The following SNX25 variants were observed in gnomAD, a reference collection of about 807,000 sequenced individuals.
The protein encoded by SNX25 is sorting nexin 25, also known as sorting nexin-25.
A neutral mutation model predicts 113.7 loss-of-function variants in SNX25; 62 were observed. That is an observed-to-expected ratio of 0.55 (90% CI 0.44 to 0.67). SNX25 has a LOEUF of 0.67. SNX25 is among the 30% of genes least tolerant of loss of function. The probability of loss-of-function intolerance (pLI) is 0.00; values close to 1 mark genes in which losing one functional copy is unlikely to be tolerated. For synonymous variants in SNX25, 421 were observed against 436.2 expected (o/e 0.97, Z 0.43); for missense variants, 1,014 against 1,161.0 (o/e 0.87, Z 1.84).
At chr4:185,370,522 G>A (rs1461092768), downstream of SNX25, 10 of 997,964 alleles carry the variant, frequency 1.0e-5, no homozygotes, top group Non-Finnish European at 7.3e-6. Context: ...TCTGTAGACA[G>A]AGGTTATCTG....
At chr4:185,365,932 C>T (rs1362762962), downstream of SNX25, 1 of 152,128 alleles carries the variant, frequency 6.6e-6, no homozygotes, top group Non-Finnish European at 1.5e-5. Flanking sequence ...GAACATAAAA[C>T]GAGAGCAAAT....
At chr4:185,375,506 A>ATATATATATG in the SNX25 span, 1 of 86,454 alleles carries the variant, frequency 1.2e-5, no homozygotes, top group Non-Finnish European at 2.0e-5. Context: ...ATATATATAT[A>ATATATATATG]TATATATATG....
intron 1 of SNX25, among the ~76,000 whole-genome samples, chr4:185,224,516 T>G (rs983936192): frequency 7.9e-6 from 1 of 126,022 alleles, no homozygotes; most frequent in Non-Finnish European, 1.7e-5. Flanking sequence ...TATAGATATA[T>G]AAATATATAT....
At chr4:185,237,210 T>A (rs527456388) in intron 1 of SNX25, among the ~76,000 whole-genome samples, 31 of 152,270 alleles carry the variant, frequency 2.0e-4, no homozygotes, top group African/African-American at 7.5e-4. Flanking sequence ...AATGATAACC[T>A]CTCAGTATCA....
chr4:185,351,540 G>T lies in SNX25; in HGVS notation c.2397G>T (p.Gly799=), dbSNP rs1561046304. 5 of 1,613,770 alleles carry T rather than the reference G, an allele frequency of 3.1e-6. No homozygotes were observed. The South Asian group carries it at 5.5e-5, about 18-fold the overall frequency. The part of the protein sequence containing the change: ...PDYLKVIDVQ[G]KKNSFSLSSF... ...ACCTCAAGGTTATCGACGTGCAGGG[G>T]AAAAAAAATTCTTTTTCATTATCCT... The change falls in exon 14 of 19, where the codon GGG becomes GGT. Residue 799 remains glycine (G), a synonymous_variant. Transcript: ENST00000652585.
At position 185,361,921 on chromosome 4, in the gene SNX25, A is replaced by G; in HGVS notation, c.2652-3A>G. The stretch of plus-strand genomic sequence containing the variant: ...CATCCAAGAAATCTTTTTCTCTTAA[A>G]AGACAAATCCGGGACACAGTCAGCT... On this transcript the variant is annotated splice_region_variant and splice_polypyrimidine_tract_variant and intron_variant, in intron 16 of 18. Coordinates refer to ENST00000652585, the MANE Select transcript of SNX25 (RefSeq NM_001378034.2). The G allele has an allele frequency of 6.2e-7, 1 of 1,612,498 alleles. No individual in the cohort carries two copies. Among genetic ancestry groups the G allele is most frequent in the Non-Finnish European group, 8.5e-7 (1 of 1,179,306 alleles).
At chr4:185,208,190 C>T (rs568555351), upstream of SNX25, among the ~76,000 whole-genome samples, 21 of 152,160 alleles carry the variant, frequency 1.4e-4, no homozygotes, top group African/African-American at 4.6e-4. Flanking sequence ...CTCACTGCGA[C>T]CTCCACCTCC....
chr4:185,355,035 G>A (rs1414493813), intron 15 of SNX25, among the ~76,000 whole-genome samples: 2 of 152,166 alleles, frequency 1.3e-5, no homozygotes, highest in African/African-American at 4.8e-5. Flanking sequence ...TAGGAAATGG[G>A]GCTGTGGATC....
chr4:185,292,392 A>C (rs1037564855), intron 6 of SNX25, among the ~76,000 whole-genome samples: 1 of 151,922 alleles, frequency 6.6e-6, no homozygotes, highest in Non-Finnish European at 1.5e-5. Context: ...ACAGGAGTTT[A>C]TTTGTTTGTT....
chr4:185,342,162 G>C, intron 12 of SNX25, 46 bp downstream of exon 12: 1 of 1,470,976 alleles, frequency 6.8e-7, no homozygotes, highest in Non-Finnish European at 9.0e-7. Flanking sequence ...CTGCACAAGA[G>C]CTCATTTCAA....
intron 5 of SNX25, among the ~76,000 whole-genome samples, chr4:185,272,226 G>T (rs1300364343): frequency 6.6e-6 from 1 of 152,216 alleles, no homozygotes; most frequent in Non-Finnish European, 1.5e-5. Flanking sequence ...CACAGTTGGT[G>T]TAGGTGGTGA....
At chr4:185,353,075 T>TA (rs149360384) in intron 14 of SNX25, 399 of 159,754 alleles carry the variant, frequency 2.5e-3, no homozygotes, top group African/African-American at 8.7e-3. Flanking sequence ...GTCACAGCTT[T>TA]AAAAATAACT....
At chr4:185,273,299 G>A (rs890719593) in intron 5 of SNX25, among the ~76,000 whole-genome samples, 1 of 152,162 alleles carries the variant, frequency 6.6e-6, no homozygotes, top group Non-Finnish European at 1.5e-5. Context: ...TAGAGACAGG[G>A]TCTCACTCTG....
At chr4:185,300,901 G>A (rs1235819928) in intron 6 of SNX25, among the ~76,000 whole-genome samples, 2 of 144,166 alleles carry the variant, frequency 1.4e-5, no homozygotes, top group Non-Finnish European at 3.0e-5. Context: ...TTCCTGGCTC[G>A]TAACTCACAT....
chr4:185,282,842 C>A (rs555139337), intron 5 of SNX25, among the ~76,000 whole-genome samples: 6 of 152,134 alleles, frequency 3.9e-5, no homozygotes, highest in Non-Finnish European at 5.9e-5. Context: ...ATTCTTGAAC[C>A]GAACTCAGCA....
At chr4:185,314,059 G>T (rs2126670905) in intron 7 of SNX25, among the ~76,000 whole-genome samples, 1 of 152,274 alleles carries the variant, frequency 6.6e-6, no homozygotes, top group South Asian at 2.1e-4. Context: ...TGTGTCAGGG[G>T]CGGCAGATGT....
At chr4:185,215,313 G>C (rs1199776439) in intron 1 of SNX25, among the ~76,000 whole-genome samples, 1 of 152,106 alleles carries the variant, frequency 6.6e-6, no homozygotes. Context: ...ATGCACAAGA[G>C]TACTCCCTTC....
At chr4:185,321,378 T>G (rs1288527501) in intron 8 of SNX25, among the ~76,000 whole-genome samples, 4 of 151,102 alleles carry the variant, frequency 2.6e-5, no homozygotes, top group Non-Finnish European at 5.9e-5. Flanking sequence ...TTCTCCTCCC[T>G]CACACTCCCG....
intron 1 of SNX25, among the ~76,000 whole-genome samples, chr4:185,216,905 G>A (rs1455021079): frequency 1.3e-5 from 2 of 152,158 alleles, no homozygotes; most frequent in South Asian, 2.1e-4. Flanking sequence ...AACAAAATGG[G>A]TCCAGAGTAC....
Sources: allele counts gnomAD v4.1 joint callset (sites outside exome capture counted in the v4.1 genomes callset), GRCh38; gene constraint gnomAD v4.1.1; transcripts MANE v1.5; gene names NCBI Gene and HGNC (gene_info 2026-07-23, HGNC 2026-07-21).